ZNF44: variants seen among roughly 807,000 people sequenced by gnomAD.
The protein encoded by ZNF44 is gonadotropin inducible transcription repressor-2.
In ZNF44, 9 loss-of-function variants were observed where a neutral mutation model predicts 11.7. The ratio of observed to expected loss-of-function variants is 0.77; its 90% confidence interval spans 0.46 to 1.35. The LOEUF is 1.35. Ranked by LOEUF, ZNF44 falls within the 40% of genes most tolerant of loss-of-function variation. The probability of loss-of-function intolerance (pLI) is 0.00; values close to 1 mark genes in which losing one functional copy is unlikely to be tolerated. For synonymous variants in ZNF44, 224 were observed against 242.7 expected, an observed-to-expected ratio of 0.92 and a Z score of 0.72; for missense variants, 696 against 743.1, an observed-to-expected ratio of 0.94 and a Z score of 0.74.
At position 12,282,987 on chromosome 19, in the gene ZNF44, A is replaced by G. The variant is rs146514432; in HGVS notation, c.4-6905T>C. ...CAAGGAAAATGACAATTCCGGTATG[A>G]ATAGTCCTCCAGCTTCTCCTAAACT... On this transcript the variant is annotated intron_variant, in intron 1 of 3. Coordinates refer to ENST00000355684, the MANE Select transcript of ZNF44 (RefSeq NM_016264.4). Among the ~76,000 whole-genome samples the G allele has an allele frequency of 1.2e-3, 189 of 152,280 alleles. 1 individual carries two copies. Among genetic ancestry groups the G allele is most frequent in the African/African-American group, 4.5e-3 (185 of 41,556 alleles).
At chr19:12,237,439 CT>C in intron 1 of ZNF44, 2 of 168,112 alleles carry the variant, frequency 1.2e-5, no homozygotes, top group Non-Finnish European at 2.6e-5. Flanking sequence ...CCCACCCGGC[CT>C]TGCACACTCA....
intron 5 of ZNF44, chr19:12,260,300 T>TGTG: frequency 2.4e-6 from 2 of 848,382 alleles, no homozygotes; most frequent in South Asian, 2.8e-5. Flanking sequence ...AGGACAAAGG[T>TGTG]GTGGTGGTGG....
chr19:12,259,075 A>G (rs1917388035), intron 5 of ZNF44, among the ~76,000 whole-genome samples: 1 of 152,036 alleles, frequency 6.6e-6, no homozygotes, highest in African/African-American at 2.4e-5. Flanking sequence ...GGGTCCCACC[A>G]TGTTGCCCAG....
chr19:12,231,752 G>A (rs376876175), intron 2 of ZNF44, among the ~76,000 whole-genome samples: 1 of 152,204 alleles, frequency 6.6e-6, no homozygotes, highest in South Asian at 2.1e-4. Context: ...ATCTCAGATA[G>A]TATTGTTAGA....
At chr19:12,276,284 T>C (rs1387349137) in intron 1 of ZNF44, 4 of 713,026 alleles carry the variant, frequency 5.6e-6, no homozygotes, top group Admixed American at 4.4e-5. Flanking sequence ...AAAATAACAG[T>C]TGAGTAGGAA....
Position 12,285,117 on chromosome 19 carries a change from C to G in ZNF44, c.4-9035G>C, listed in dbSNP as rs573342920. 2.2e-3 allele frequency: 1,414 copies of G among 642,270 alleles called. 3 individuals carry two copies. The highest frequency in any genetic ancestry group is 3.1e-3 in the Non-Finnish European group (1,122 of 359,164). 39.8% of individuals were successfully genotyped at this position (642,270 alleles called of 1,614,324 possible). The stretch of plus-strand genomic sequence containing the variant: ...GTCTCCCTATCAGGAATTCACTGAC[C>G]ACCTCGTTAAGACCCACACCAGAGT... On this transcript the variant is annotated intron_variant, in intron 1 of 3. Transcript: ENST00000355684.
intron 5 of ZNF44, among the ~76,000 whole-genome samples, chr19:12,252,471 G>C (rs1306482699): frequency 1.3e-5 from 2 of 152,180 alleles, no homozygotes; most frequent in Non-Finnish European, 2.9e-5. Flanking sequence ...AATAGAAAAG[G>C]CATAAGTGGA....
intron 5 of ZNF44, among the ~76,000 whole-genome samples, chr19:12,265,056 C>T (rs1917672251): frequency 6.6e-6 from 1 of 151,972 alleles, no homozygotes; most frequent in South Asian, 2.1e-4. Flanking sequence ...AGTCTAAGCC[C>T]TGGAATTCCT....
intron 1 of ZNF44, among the ~76,000 whole-genome samples, chr19:12,236,893 C>T (rs1050246600): frequency 6.6e-6 from 1 of 152,122 alleles, no homozygotes; most frequent in African/African-American, 2.4e-5. Flanking sequence ...GTTTTTTTAA[C>T]CTTTGGTTGA....
rs376529970 is a variant in ZNF44, at chr19:12,273,264, G to A, written c.991C>T (p.His331Tyr). The A allele has an allele frequency of 8.3e-5, 134 of 1,613,682 alleles. No individual in the cohort carries two copies. Among genetic ancestry groups the A allele is most frequent in the Non-Finnish European group, 7.1e-5 (84 of 1,179,964 alleles). ...LGSFQRHMIM[H>Y]SGDGPHKCKI... ...CATTTATGAGGTCCATCTCCACTGT[G>A]CATTATCATGTGTCTTTGAAAGCTT... The change falls in exon 4 of 4, where the codon CAC becomes TAC. Residue 331 changes from histidine (H) to tyrosine (Y), a missense_variant. His to Tyr is a moderately conservative substitution (Grantham distance 83). Coordinates refer to ENST00000355684, the MANE Select transcript of ZNF44 (RefSeq NM_016264.4).
intron 5 of ZNF44, among the ~76,000 whole-genome samples, chr19:12,258,588 GGGAGGCCACAGCA>G (rs1917367238): frequency 1.3e-5 from 2 of 152,098 alleles, no homozygotes; most frequent in Admixed American, 1.3e-4. Context: ...CCAGCACACT[GGGAGGCCACAGCA>G]GGTGAATCAC....
At chr19:12,268,472 A>T (rs1045059909), downstream of ZNF44, among the ~76,000 whole-genome samples, 1 of 152,136 alleles carries the variant, frequency 6.6e-6, no homozygotes, top group African/African-American at 2.4e-5. Context: ...AAATCTGGCT[A>T]ATCTACTACC....
chr19:12,251,542 G>A (rs2145692154), intron 5 of ZNF44, among the ~76,000 whole-genome samples: 1 of 152,216 alleles, frequency 6.6e-6, no homozygotes, highest in South Asian at 2.1e-4. Context: ...ATTTCATGGA[G>A]CTATTAAGTT....
chr19:12,251,477 G>T (rs1490402182), intron 5 of ZNF44, among the ~76,000 whole-genome samples: 1 of 151,928 alleles, frequency 6.6e-6, no homozygotes, highest in Non-Finnish European at 1.5e-5. Context: ...CCAGAGAAGT[G>T]TTCATTTTCA....
intron 2 of ZNF44, 74 bp from the exon 3 acceptor site, chr19:12,275,107 A>C: frequency 9.0e-7 from 1 of 1,108,784 alleles, no homozygotes; most frequent in South Asian, 1.7e-5. Flanking sequence ...TTTTATGTAC[A>C]CTACAATCAT....
rs1568443919 is a variant in ZNF44, at chr19:12,273,401, T to A, written c.854A>T (p.Gln285Leu). ...HTGEKPYKCK[Q>L]CGKAFSVSGS... ...GGAAACACTGAAGGCTTTCCCACAT[T>A]GTTTACATTTGTAGGGTTTCTCTCC... Residue 285 changes from glutamine (Q) to leucine (L), a missense_variant, in exon 4 of 4, where the codon CAA becomes CTA. By Grantham distance (113) the Gln-to-Leu change is moderately radical. Transcript: ENST00000355684. The A allele has an allele frequency of 6.2e-7, 1 of 1,613,940 alleles. No individual in the cohort carries two copies. The highest frequency in any genetic ancestry group is 2.2e-5 in the East Asian group (1 of 44,840).
chr19:12,260,644 G>A, intron 5 of ZNF44: 1 of 607,624 alleles, frequency 1.6e-6, no homozygotes. Context: ...AAAAACACAG[G>A]TAGGTCCTTG....
At chr19:12,237,700 C>T (rs1187584602), upstream of ZNF44, 1 of 152,298 alleles carries the variant, frequency 6.6e-6, no homozygotes, top group African/African-American at 2.4e-5. Context: ...CCCCTAGGCC[C>T]GGGTTTCAGG....
rs779385301 is a variant in ZNF44 at position 12,248,142 on chromosome 19, T to C, written c.*723A>G. On this transcript the variant is annotated 3_prime_UTR_variant and NMD_transcript_variant, in exon 8 of 8. Transcript: ENST00000393337. ...TTTCTGTACAGTGTGATTCCTTTCA[T>C]GTGCTCGAGCAGAATGGCGGTAAAT... 6 of 1,304,378 alleles carry C rather than the reference T, an allele frequency of 4.6e-6. No individual in the cohort carries two copies. The South Asian group carries it at 6.1e-5, about 13-fold the overall frequency. The allele number at this position is 1,304,378 out of a possible 1,614,324, so 80.8% of individuals were successfully genotyped here.
Sources: allele counts gnomAD v4.1 joint callset (sites outside exome capture counted in the v4.1 genomes callset), GRCh38; gene constraint gnomAD v4.1.1; transcripts MANE v1.5; gene names NCBI Gene and HGNC (gene_info 2026-07-23, HGNC 2026-07-21).